Variants in BMPR2 observed in about 807,000 individuals in gnomAD.
BMPR2 encodes the protein bone morphogenetic protein receptor type-2.
BMPR2 carries 29 observed loss-of-function variants against 100.8 expected under a neutral mutation model. The ratio of observed to expected loss-of-function variants is 0.29; its 90% CI spans 0.21 to 0.39. The LOEUF is 0.39. Ranked by LOEUF, BMPR2 falls within the 10% of genes least tolerant of loss-of-function variation. The probability of loss-of-function intolerance (pLI) is 1.00; values close to 1 mark genes in which losing one functional copy is unlikely to be tolerated. For missense variants in BMPR2, 1,011 were observed against 1,274.5 expected (o/e 0.79, Z 3.15); for synonymous variants, 382 against 442.3 (o/e 0.86, Z 1.71).
intron 3 of BMPR2, among the ~76,000 whole-genome samples, chr2:202,477,369 T>A (rs1293655776): frequency 6.6e-6 from 1 of 152,202 alleles, no homozygotes; most frequent in African/African-American, 2.4e-5. Flanking sequence ...AAAGCCTATA[T>A]TCTGTGATTT....
At chr2:202,450,299 C>T (rs962032122) in intron 1 of BMPR2, among the ~76,000 whole-genome samples, 6 of 152,088 alleles carry the variant, frequency 3.9e-5, no homozygotes, top group African/African-American at 1.4e-4. Flanking sequence ...TGAGAATGCT[C>T]AGCAAAATGA....
chr2:202,535,645 C>T (rs1439973563), intron 9 of BMPR2, among the ~76,000 whole-genome samples: 2 of 152,076 alleles, frequency 1.3e-5, no homozygotes, highest in South Asian at 2.1e-4. Context: ...AGATGATGGG[C>T]GGCCAGGCAG....
intron 1 of BMPR2, 151 bp downstream of exon 1, chr2:202,377,701 C>G (rs1690181660): frequency 1.2e-6 from 1 of 856,302 alleles, no homozygotes; most frequent in South Asian, 1.5e-5. Flanking sequence ...GCGCGCCTGC[C>G]CCATGCCTTC....
intron 2 of BMPR2, chr2:202,466,937 A>G (rs1393994068): frequency 6.4e-6 from 1 of 156,996 alleles, no homozygotes; most frequent in Non-Finnish European, 1.4e-5. Flanking sequence ...TTTGGTATAG[A>G]CAAAAATGAA....
chr2:202,387,476 A>G (rs771619683), intron 1 of BMPR2, among the ~76,000 whole-genome samples: 11 of 152,248 alleles, frequency 7.2e-5, no homozygotes, highest in Non-Finnish European at 1.5e-4. Flanking sequence ...ACATTCATAT[A>G]ATACATAAAG....
intron 9 of BMPR2, among the ~76,000 whole-genome samples, chr2:202,534,392 C>A (rs901887413): frequency 1.3e-5 from 2 of 151,680 alleles, no homozygotes; most frequent in African/African-American, 2.4e-5. Context: ...TTTTCCTAGG[C>A]AGAGGACCCT....
At chr2:202,442,439 T>A (rs1417641093) in intron 1 of BMPR2, among the ~76,000 whole-genome samples, 6 of 150,562 alleles carry the variant, frequency 4.0e-5, no homozygotes, top group South Asian at 2.1e-4. Context: ...TCTTTTTTTT[T>A]AAACTATGGC....
At chr2:202,435,577 C>G (rs1460274146) in intron 1 of BMPR2, among the ~76,000 whole-genome samples, 1 of 149,536 alleles carries the variant, frequency 6.7e-6, no homozygotes, top group Non-Finnish European at 1.5e-5. Flanking sequence ...GTAATGTTGT[C>G]TAAGTATAGT....
intron 10 of BMPR2, among the ~76,000 whole-genome samples, chr2:202,545,821 G>A (rs1032010028): frequency 2.0e-5 from 3 of 152,158 alleles, no homozygotes; most frequent in African/African-American, 7.2e-5. Flanking sequence ...TCCCTGCTAT[G>A]GGAACTGGGA....
intron 7 of BMPR2, among the ~76,000 whole-genome samples, chr2:202,524,316 C>T (rs1015804106): frequency 2.0e-5 from 3 of 149,662 alleles, no homozygotes; most frequent in East Asian, 4.1e-4. Flanking sequence ...GAGCCGAGAT[C>T]GCGCCACTGC....
chr2:202,380,477 C>T (rs944313444), intron 1 of BMPR2, among the ~76,000 whole-genome samples: 6 of 152,074 alleles, frequency 3.9e-5, no homozygotes, highest in African/African-American at 1.4e-4. Flanking sequence ...ACAGAATTAC[C>T]TGGGGTTCTT....
At position 202,495,946 on chromosome 2, in the gene BMPR2, T is replaced by TC. The variant is rs1439255321; in HGVS notation, c.419-17772dup. Among the ~76,000 whole-genome samples the TC allele has an allele frequency of 6.6e-6, 1 of 152,192 alleles. No individual in the cohort carries two copies. The highest frequency in any genetic ancestry group is 1.5e-5 in the Non-Finnish European group (1 of 68,026). On this transcript the variant is annotated intron_variant, in intron 3 of 12. Transcript: ENST00000374580. The surrounding 1 kb of genome is among the most constrained non-coding windows in gnomAD (Gnocchi z 4.5). ...TTTGGAAGTAGGAGGACCTTAAAAG[T>TC]CACTTACAAGATCACTTATTTTTAT... is the stretch of plus-strand genomic sequence containing the variant.
At chr2:202,401,940 G>T (rs558122135) in intron 1 of BMPR2, among the ~76,000 whole-genome samples, 1 of 152,200 alleles carries the variant, frequency 6.6e-6, no homozygotes, top group African/African-American at 2.4e-5. Flanking sequence ...TGCAAAAAGG[G>T]CTCAAAAGTG....
At position 202,518,869 on chromosome 2, in the gene BMPR2, T is replaced by C. The variant is rs766578470; in HGVS notation, c.669T>C (p.Asp223=). The C allele has an allele frequency of 3.7e-6, 6 of 1,614,244 alleles. No homozygotes were observed. The highest frequency in any genetic ancestry group is 5.1e-6 in the Non-Finnish European group (6 of 1,180,044). ...GAGCAGTATATAAAGGCTCCTTGGA[T>C]GAGCGTCCAGTTGCTGTAAAAGTGT... ...RYGAVYKGSL[D]ERPVAVKVFS... The change falls in exon 6 of 13, where the codon GAT becomes GAC. Residue 223 remains aspartate (D), a synonymous_variant. Transcript: ENST00000374580.
intron 1 of BMPR2, among the ~76,000 whole-genome samples, chr2:202,403,477 C>G (rs1273710558): frequency 3.3e-5 from 5 of 152,116 alleles, no homozygotes; most frequent in Non-Finnish European, 7.4e-5. Flanking sequence ...GGATTACAGG[C>G]ATGAGCCTTT....
In BMPR2 at chr2:202,556,504, A is replaced by G. The variant is rs1045273808; in HGVS notation, c.2839A>G (p.Asn947Asp). 1 of 1,613,708 alleles carries G rather than the reference A, an allele frequency of 6.2e-7. No homozygotes were observed. The highest frequency in any genetic ancestry group is 1.3e-5 in the African/African-American group (1 of 75,052). The change falls in exon 12 of 13, where the codon AAT becomes GAT. Residue 947 changes from asparagine to aspartate, a missense_variant. By Grantham distance (23) the Asn-to-Asp change is conservative (BLOSUM62 1). This residue lies in a region of BMPR2 where 508 missense variants were observed against 552.0 expected (regional missense o/e 0.92). Coordinates refer to ENST00000374580, the MANE Select transcript of BMPR2 (RefSeq NM_001204.7). ...RPNSLDLSAT[N>D]VLDGSSIQIG... ...TAATTCTCTGGATCTTTCAGCCACA[A>G]ATGTCCTGGATGGCAGCAGTATACA...
intron 1 of BMPR2, among the ~76,000 whole-genome samples, chr2:202,396,540 C>G (rs904772199): frequency 6.6e-6 from 1 of 152,086 alleles, no homozygotes; most frequent in Non-Finnish European, 1.5e-5. Flanking sequence ...GTCTTTGGGA[C>G]ATCTAGGCTT....
intron 9 of BMPR2, among the ~76,000 whole-genome samples, chr2:202,536,087 T>G (rs1334316197): frequency 6.6e-6 from 1 of 151,506 alleles, no homozygotes; most frequent in Non-Finnish European, 1.5e-5. Flanking sequence ...AGGGAGACCG[T>G]GGGGAGAGGG....
chr2:202,542,096 G>A (rs1688286265), intron 9 of BMPR2, among the ~76,000 whole-genome samples: 1 of 149,788 alleles, frequency 6.7e-6, no homozygotes, highest in Admixed American at 6.7e-5. Context: ...GGGCAACAGA[G>A]TAAGACTCCG....
Sources: allele counts gnomAD v4.1 joint callset (sites outside exome capture counted in the v4.1 genomes callset), GRCh38; gene constraint gnomAD v4.1.1; regional missense constraint gnomAD v4.1.1; non-coding constraint Gnocchi (gnomAD v3.1); transcripts MANE v1.5; gene names NCBI Gene and HGNC (gene_info 2026-07-23, HGNC 2026-07-21).